Variants in PDE8A observed in about 807,000 individuals in gnomAD.
The protein encoded by PDE8A is phosphodiesterase 8A.
Under a neutral mutation model 105.0 loss-of-function variants are expected in PDE8A, and 59 were observed. The observed-to-expected ratio is 0.56, with a 90% CI of 0.46 to 0.70. The LOEUF is 0.70. PDE8A is among the 30% of genes least tolerant of loss of function. The pLI is 0.00. For synonymous variants in PDE8A, 355 were observed against 371.9 expected (o/e 0.95, Z 0.52); for missense variants, 1,014 against 1,045.9 (o/e 0.97, Z 0.42).
chr15:85,095,021 C>G (rs912849614), intron 8 of PDE8A, among the ~76,000 whole-genome samples: 1 of 152,168 alleles, frequency 6.6e-6, no homozygotes, highest in African/African-American at 2.4e-5. Context: ...ATCATGTGCA[C>G]ACACTGTGCC....
chr15:85,001,017 C>T (rs1175791021), intron 1 of PDE8A, among the ~76,000 whole-genome samples: 1 of 152,182 alleles, frequency 6.6e-6, no homozygotes, highest in Non-Finnish European at 1.5e-5. Context: ...TACCATTGTT[C>T]TGTTCCCCTG....
intron 11 of PDE8A, among the ~76,000 whole-genome samples, chr15:85,106,875 C>T (rs985698572): frequency 5.9e-5 from 9 of 152,138 alleles, no homozygotes; most frequent in African/African-American, 1.9e-4. Context: ...TTTAACAGAA[C>T]TTTGATTTGT....
intron 1 of PDE8A, among the ~76,000 whole-genome samples, chr15:84,993,952 A>C (rs2079933720): frequency 1.3e-5 from 2 of 152,158 alleles, no homozygotes. Context: ...GAAACATTTA[A>C]CTATTATTTA....
chr15:85,023,104 T>G lies in PDE8A; in HGVS notation c.186+40756T>G, dbSNP rs535984469. 2.0e-5 allele frequency among the ~76,000 whole-genome samples: 3 copies of G among 152,316 alleles called. No homozygotes were observed. In the South Asian group the frequency reaches 6.2e-4, roughly 32 times the overall value. ...GGGAACAGTACTGTTTTTCAGGTTA[T>G]GAGTAGGCAAACATTTGAAGGAGTT... On this transcript the variant is annotated intron_variant, in intron 1 of 21. Coordinates refer to ENST00000394553, the MANE Select transcript of PDE8A (RefSeq NM_002605.3).
chr15:85,093,394 G>T (rs2081682450), intron 8 of PDE8A, among the ~76,000 whole-genome samples: 1 of 152,236 alleles, frequency 6.6e-6, no homozygotes, highest in South Asian at 2.1e-4. Context: ...CCGGGGAACA[G>T]GGCTTGTTGA....
chr15:85,012,420 T>A (rs1463557366), intron 1 of PDE8A, among the ~76,000 whole-genome samples: 1 of 151,824 alleles, frequency 6.6e-6, no homozygotes, highest in African/African-American at 2.4e-5. Flanking sequence ...AAATTGGAAA[T>A]CATCATTCTC....
At position 85,067,127 on chromosome 15, in the gene PDE8A, T is replaced by G. The variant is rs1361426200; in HGVS notation, c.357T>G (p.Cys119Trp). The G allele has an allele frequency of 6.2e-7, 1 of 1,613,960 alleles. No homozygotes were observed. The highest frequency in any genetic ancestry group is 8.5e-7 in the Non-Finnish European group (1 of 1,179,864). Residue 119 changes from cysteine (C) to tryptophan (W), a missense_variant, in exon 3 of 22, where the codon TGT (cysteine) becomes TGG (tryptophan). Coordinates refer to ENST00000394553, the MANE Select transcript of PDE8A (RefSeq NM_002605.3). ...AGGAGGCTCAGGCTGTCCTTGCCTGTTTCCTGGACAAACATCATGACATTA... is the reference window on the plus strand; with the variant it reads ...AGGAGGCTCAGGCTGTCCTTGCCTGGTTCCTGGACAAACATCATGACATTA... ...VTKEAQAVLA[C>W]FLDKHHDIII... is the part of the protein sequence containing the mutation.
intron 1 of PDE8A, among the ~76,000 whole-genome samples, chr15:85,043,322 C>G (rs770837239): frequency 4.6e-5 from 7 of 152,114 alleles, no homozygotes; most frequent in Non-Finnish European, 8.8e-5. Context: ...TGTAGACCCC[C>G]CTTTTCATTC....
At chr15:85,065,297 A>C (rs1231459731) in intron 2 of PDE8A, among the ~76,000 whole-genome samples, 2 of 136,678 alleles carry the variant, frequency 1.5e-5, no homozygotes, top group Non-Finnish European at 1.5e-5. Flanking sequence ...TCACATGGAC[A>C]CAGGAAGGGG....
chr15:85,134,510 C>T (rs1424971653), intron 20 of PDE8A, among the ~76,000 whole-genome samples: 1 of 148,060 alleles, frequency 6.8e-6, no homozygotes, highest in Admixed American at 6.8e-5. Context: ...AGGGCCTTCA[C>T]CACAGCCAGC....
intron 1 of PDE8A, among the ~76,000 whole-genome samples, chr15:85,028,561 C>G (rs998962144): frequency 2.0e-5 from 3 of 152,098 alleles, no homozygotes; most frequent in Admixed American, 2.0e-4. Context: ...GCTAAATTGT[C>G]CTTCCCAAAT....
chr15:84,986,838 T>C (rs1014840528), intron 1 of PDE8A, among the ~76,000 whole-genome samples: 1 of 152,106 alleles, frequency 6.6e-6, no homozygotes, highest in Non-Finnish European at 1.5e-5. Context: ...AGGCTCAAAC[T>C]CCTGGGCTCC....
chr15:84,994,743 G>A (rs2079947389), intron 1 of PDE8A, among the ~76,000 whole-genome samples: 1 of 152,166 alleles, frequency 6.6e-6, no homozygotes. Flanking sequence ...GAGGCAGGTG[G>A]ATCACCTGAG....
chr15:85,053,212 T>C lies in PDE8A; in HGVS notation c.187-11158T>C, dbSNP rs2081004542. On this transcript the variant is annotated intron_variant, in intron 1 of 21. Transcript: ENST00000394553. ...TTTTGGTACCAGTACCATGCTGTTT[T>C]GGTTACTGTAGCCTTGCAGTATAGT... Among the ~76,000 whole-genome samples the C allele has an allele frequency of 2.6e-5, 4 of 152,244 alleles. No individual in the cohort carries two copies. The South Asian group carries it at 8.3e-4, about 31-fold the overall frequency.
chr15:85,120,674 A>T, intron 17 of PDE8A, 123 bp from the exon 18 acceptor site: 1 of 658,650 alleles, frequency 1.5e-6, no homozygotes, highest in Non-Finnish European at 2.7e-6. Context: ...CTCACGTAGT[A>T]TGCTTTTCTT....
chr15:85,014,921 C>A (rs989127721), intron 1 of PDE8A, among the ~76,000 whole-genome samples: 3 of 152,146 alleles, frequency 2.0e-5, no homozygotes, highest in Non-Finnish European at 4.4e-5. Flanking sequence ...TCCCCATTGC[C>A]TCCTGCCCCT....
intron 1 of PDE8A, among the ~76,000 whole-genome samples, chr15:84,996,696 C>T (rs181103063): frequency 1.3e-3 from 192 of 151,808 alleles, no homozygotes; most frequent in African/African-American, 4.4e-3. Context: ...TATAGTGGCA[C>T]ATGCCTGTAA....
At chr15:85,049,905 C>T (rs772916059) in intron 1 of PDE8A, among the ~76,000 whole-genome samples, 1 of 152,020 alleles carries the variant, frequency 6.6e-6, no homozygotes, top group Admixed American at 6.6e-5. Context: ...TGAGGAATTG[C>T]CATTCTGTTT....
chr15:85,056,173 T>G (rs1322214805), intron 1 of PDE8A, among the ~76,000 whole-genome samples: 1 of 152,220 alleles, frequency 6.6e-6, no homozygotes, highest in Non-Finnish European at 1.5e-5. Context: ...TCTGCTGAGA[T>G]ATCAGCTGTT....
Sources: allele counts gnomAD v4.1 joint callset (sites outside exome capture counted in the v4.1 genomes callset), GRCh38; gene constraint gnomAD v4.1.1; transcripts MANE v1.5; gene names NCBI Gene and HGNC (gene_info 2026-07-23, HGNC 2026-07-21).